Variants in ATF7IP observed in about 807,000 individuals in gnomAD.
The protein encoded by ATF7IP is activating transcription factor 7 interacting protein, also known as activating transcription factor 7-interacting protein 1.
A neutral mutation model predicts 106.4 loss-of-function variants in ATF7IP; 23 were observed. The ratio of observed to expected loss-of-function variants is 0.22; its 90% confidence interval spans 0.16 to 0.31. The LOEUF (loss-of-function observed/expected upper bound fraction) is 0.31, where lower values mean the gene tolerates loss of function less well. ATF7IP is among the 10% of genes least tolerant of loss of function. The pLI is 1.00. For missense variants in ATF7IP, 1,334 were observed against 1,524.3 expected (o/e 0.88, Z 2.08); for synonymous variants, 542 against 539.0 (o/e 1.01, Z -0.08).
chr12:14,417,171 C>G (rs981039244), intron 1 of ATF7IP, among the ~76,000 whole-genome samples: 10 of 151,842 alleles, frequency 6.6e-5, no homozygotes, highest in Admixed American at 5.2e-4. Flanking sequence ...CTTTGTAATC[C>G]ACACATTTGT....
intron 1 of ATF7IP, among the ~76,000 whole-genome samples, chr12:14,413,379 G>A (rs1392336057): frequency 6.6e-6 from 1 of 152,142 alleles, no homozygotes; most frequent in Non-Finnish European, 1.5e-5. Context: ...CTACTCTCAG[G>A]TCTCATTTAC....
chr12:14,405,626 A>C (rs1022363109), intron 1 of ATF7IP, among the ~76,000 whole-genome samples: 3 of 151,942 alleles, frequency 2.0e-5, no homozygotes, highest in African/African-American at 7.3e-5. Context: ...TATGTTGTCC[A>C]GGCTCATCTT....
At chr12:14,445,045 G>T (rs1280417203) in intron 5 of ATF7IP, among the ~76,000 whole-genome samples, 1 of 145,550 alleles carries the variant, frequency 6.9e-6, no homozygotes, top group Non-Finnish European at 1.5e-5. Context: ...AGGCTGGAGT[G>T]CAGTGGTGCG....
At chr12:14,467,288 C>T (rs1417716451) in intron 10 of ATF7IP, among the ~76,000 whole-genome samples, 2 of 152,002 alleles carry the variant, frequency 1.3e-5, no homozygotes, top group African/African-American at 4.8e-5. Context: ...TCGAGCATGT[C>T]AGGCATGAAA....
At chr12:14,371,639 T>C (rs1178642601) in intron 1 of ATF7IP, among the ~76,000 whole-genome samples, 1 of 152,084 alleles carries the variant, frequency 6.6e-6, no homozygotes, top group Admixed American at 6.5e-5. Flanking sequence ...ATTTATAAAC[T>C]TAGTTATGAG....
At chr12:14,485,334 A>G (rs1025009781) in intron 13 of ATF7IP, among the ~76,000 whole-genome samples, 1 of 151,750 alleles carries the variant, frequency 6.6e-6, no homozygotes, top group Admixed American at 6.6e-5. Flanking sequence ...TCTTGGTTGT[A>G]GGAAGGGCCA....
chr12:14,440,258 A>C (rs1942633306), intron 5 of ATF7IP, among the ~76,000 whole-genome samples: 1 of 152,104 alleles, frequency 6.6e-6, no homozygotes, highest in Non-Finnish European at 1.5e-5. Flanking sequence ...TTATAGTAAC[A>C]CCTTTTATAT....
At chr12:14,477,331 G>A (rs904770379) in intron 11 of ATF7IP, among the ~76,000 whole-genome samples, 2 of 152,088 alleles carry the variant, frequency 1.3e-5, no homozygotes, top group East Asian at 1.9e-4. Context: ...TCCTTCATCC[G>A]GGTTGAACTC....
intron 1 of ATF7IP, among the ~76,000 whole-genome samples, chr12:14,379,794 G>GATTTCAGATTTCTCCTCTC (rs1289805904): frequency 1.3e-5 from 2 of 152,142 alleles, no homozygotes; most frequent in East Asian, 3.9e-4. Flanking sequence ...AAGCCATTCT[G>GATTTCAGATTTCTCCTCTC]ATTTCAGATT....
chr12:14,407,618 A>C (rs1178511326), intron 1 of ATF7IP, among the ~76,000 whole-genome samples: 4 of 152,164 alleles, frequency 2.6e-5, no homozygotes, highest in Non-Finnish European at 5.9e-5. Flanking sequence ...AGGAGTAAGA[A>C]ATTTCAAGTA....
In ATF7IP at chr12:14,454,267, CTT is replaced by C. The variant is rs559534655; in HGVS notation, c.1996-2292_1996-2291del. ...CTCTGAAGCTCCCTCTGGTACCTGTCTTTGCTATAGCAGCCTCTGGTACTTTG... is the reference window on the plus strand; with the variant it reads ...CTCTGAAGCTCCCTCTGGTACCTGTCTGCTATAGCAGCCTCTGGTACTTTG... On this transcript the variant is annotated intron_variant, in intron 6 of 14. Coordinates refer to ENST00000261168, the MANE Select transcript of ATF7IP (RefSeq NM_018179.5). Among the ~76,000 whole-genome samples, 77 of 152,234 alleles carry C rather than the reference CTT, an allele frequency of 5.1e-4. 1 individual carries two copies. In the South Asian group the frequency reaches 6.4e-3, roughly 13 times the overall value.
chr12:14,494,747 A>C (rs1944957423), intron 13 of ATF7IP, among the ~76,000 whole-genome samples: 1 of 151,470 alleles, frequency 6.6e-6, no homozygotes. Flanking sequence ...AGCCTGGCCA[A>C]CATCGTGAAA....
chr12:14,477,540 A>G (rs1944300738), intron 11 of ATF7IP, among the ~76,000 whole-genome samples: 1 of 152,242 alleles, frequency 6.6e-6, no homozygotes, highest in Non-Finnish European at 1.5e-5. Context: ...GTTTGTTTTC[A>G]GTGCTCTCAC....
chr12:14,497,885 G>C lies in ATF7IP; in HGVS notation c.3625G>C (p.Val1209Leu), dbSNP rs375823854. 3.1e-6 allele frequency: 5 copies of C among 1,614,038 alleles called. No individual in the cohort carries two copies. Among genetic ancestry groups the C allele is most frequent in the Non-Finnish European group, 4.2e-6 (5 of 1,180,036 alleles). The change falls in exon 15 of 15, where the codon GTG becomes CTG. Residue 1209 changes from valine to leucine, a missense_variant. By Grantham distance (32) the Val-to-Leu change is conservative. This residue lies in a region of ATF7IP where 80 missense variants were observed against 157.0 expected (regional missense o/e 0.51). Transcript: ENST00000261168. ...YAYHEEPSAT[V>L]PSQWKKIGEV... is the part of the protein sequence containing the mutation. Reference sequence around the variant, plus strand: ...TTACCATGAGGAACCCAGTGCCACTGTGCCCTCACAATGGAAAAAGATTGG... The same window carrying C: ...TTACCATGAGGAACCCAGTGCCACTCTGCCCTCACAATGGAAAAAGATTGG...
In ATF7IP at chr12:14,446,065, T is replaced by C. The variant is rs1942941042; in HGVS notation, c.1930-923T>C. 2.6e-5 allele frequency among the ~76,000 whole-genome samples: 4 copies of C among 152,194 alleles called. No homozygotes were observed. The South Asian group carries it at 8.3e-4, about 31-fold the overall frequency. ...ATATGTATTTGGGCAAAATATGTGATCAGGGAGTTTGTATAAGTACAACAA... is the reference window on the plus strand; with the variant it reads ...ATATGTATTTGGGCAAAATATGTGACCAGGGAGTTTGTATAAGTACAACAA... On this transcript the variant is annotated intron_variant, in intron 5 of 14. Coordinates refer to ENST00000261168, the MANE Select transcript of ATF7IP (RefSeq NM_018179.5).
intron 5 of ATF7IP, among the ~76,000 whole-genome samples, chr12:14,440,465 T>C (rs1223765421): frequency 6.6e-6 from 1 of 152,232 alleles, no homozygotes; most frequent in Non-Finnish European, 1.5e-5. Context: ...TATCCACCAG[T>C]TGCTTCACTG....
intron 10 of ATF7IP, among the ~76,000 whole-genome samples, chr12:14,473,312 G>A (rs1944131994): frequency 6.6e-6 from 1 of 151,638 alleles, no homozygotes; most frequent in African/African-American, 2.4e-5. Flanking sequence ...GTGTGTGTGT[G>A]TGTGTGTGTG....
intron 1 of ATF7IP, among the ~76,000 whole-genome samples, chr12:14,389,000 T>C (rs1939401181): frequency 6.6e-6 from 1 of 152,202 alleles, no homozygotes; most frequent in Non-Finnish European, 1.5e-5. Context: ...TTCCTATCTA[T>C]TTGGTAAGCA....
chr12:14,471,049 T>G (rs958650679), intron 10 of ATF7IP, among the ~76,000 whole-genome samples: 1 of 152,192 alleles, frequency 6.6e-6, no homozygotes, highest in Non-Finnish European at 1.5e-5. Context: ...CTGGGTTGTT[T>G]AGTTAGTAAT....
Sources: gnomAD v4.1 joint callset for allele counts (sites outside exome capture counted in the v4.1 genomes callset) on GRCh38, gnomAD v4.1.1 for gene constraint, gnomAD v4.1.1 regional missense constraint, MANE v1.5 for transcripts, NCBI Gene and HGNC (gene_info 2026-07-23, HGNC 2026-07-21) for gene names.